PCDH18: variants seen among roughly 807,000 people sequenced by gnomAD.
The protein encoded by PCDH18 is protocadherin 18.
A neutral mutation model predicts 71.5 loss-of-function variants in PCDH18; 38 were observed. That is an observed-to-expected ratio of 0.53 (90% confidence interval 0.41 to 0.70). The LOEUF (loss-of-function observed/expected upper bound fraction) is 0.70, where lower values mean the gene tolerates loss of function less well. Ranked by LOEUF, PCDH18 falls within the 30% of genes least tolerant of loss-of-function variation. The probability of loss-of-function intolerance (pLI) is 0.00; values close to 1 mark genes in which losing one functional copy is unlikely to be tolerated. For synonymous variants in PCDH18, 565 were observed against 505.4 expected (o/e 1.12, Z -1.58); for missense variants, 1,334 against 1,384.6 (o/e 0.96, Z 0.58).
chr4:137,531,337 T>C lies in PCDH18; in HGVS notation c.752A>G (p.Tyr251Cys), dbSNP rs755064056. The C allele has an allele frequency of 9.9e-6, 16 of 1,613,904 alleles. No individual in the cohort carries two copies. Among genetic ancestry groups the C allele is most frequent in the South Asian group, 3.3e-5 (3 of 91,080 alleles). The change falls in exon 1 of 4, where the codon TAT becomes TGT. Residue 251 changes from tyrosine to cysteine, a missense_variant. This residue lies in a region of PCDH18 where 1,011 missense variants were observed against 1,048.0 expected (regional missense o/e 0.96). Transcript: ENST00000344876. ...GGAGTTTTCTAAGAGTTGTATTATA[T>C]AAGATTGCTGCTCAAAAGCAGGGCT... ...DNSPAFEQQS[Y>C]IIQLLENSPV...
intron 1 of PCDH18, 149 bp downstream of exon 1, chr4:137,529,453 T>A (rs1731579664): frequency 1.8e-6 from 1 of 558,686 alleles, no homozygotes. Context: ...GCATCTTTGC[T>A]ACATATTCAC....
intron 3 of PCDH18, among the ~76,000 whole-genome samples, chr4:137,524,982 T>C (rs928514774): frequency 2.0e-5 from 3 of 152,002 alleles, no homozygotes; most frequent in Non-Finnish European, 2.9e-5. Flanking sequence ...GGACAGAACA[T>C]AGAATTTAAA....
chr4:137,527,848 A>T (rs1300652178), intron 3 of PCDH18, among the ~76,000 whole-genome samples: 1 of 152,180 alleles, frequency 6.6e-6, no homozygotes, highest in Non-Finnish European at 1.5e-5. Context: ...ACTTAATAGC[A>T]TCTCTTCTAT....
rs1731719315 is a variant in PCDH18, at chr4:137,531,859, A to G, written c.230T>C (p.Leu77Pro). ...RAMQRGNSPL[L>P]VVNEDNGEIS... ...TTCCCCATTATCCTCGTTTACTACA[A>G]GTAGAGGAGAATTTCCCCTCTGCAT... The change falls in exon 1 of 4, where the codon CTT becomes CCT. Residue 77 changes from leucine to proline, a missense_variant. Leu to Pro is a moderately conservative substitution (Grantham distance 98). Coordinates refer to ENST00000344876, the MANE Select transcript of PCDH18 (RefSeq NM_019035.5). The G allele has an allele frequency of 6.2e-7, 1 of 1,613,912 alleles. No homozygotes were observed. Among genetic ancestry groups the G allele is most frequent in the Non-Finnish European group, 8.5e-7 (1 of 1,179,932 alleles).
Position 137,518,968 on chromosome 4 carries a change from T to C in PCDH18, c.*2061A>G, listed in dbSNP as rs1135220. On this transcript the variant is annotated 3_prime_UTR_variant, in exon 4 of 4. Coordinates refer to ENST00000344876, the MANE Select transcript of PCDH18 (RefSeq NM_019035.5). ...TTTATTTATTTCACATTATTCAAAA[T>C]AGCGGTTTTCAGCATAGCTTCCCAT... 2 of 152,104 alleles carry C rather than the reference T, an allele frequency of 1.3e-5. No homozygotes were observed. The highest frequency in any genetic ancestry group is 4.1e-4 in the South Asian group (2 of 4,832). 9.4% of individuals were successfully genotyped at this position (152,104 alleles called of 1,614,324 possible).
chr4:137,528,854 A>C, intron 1 of PCDH18, 34 bp from the exon 2 acceptor site: 2 of 1,427,930 alleles, frequency 1.4e-6, no homozygotes, highest in Non-Finnish European at 2.0e-6. Context: ...GATTCCCGGA[A>C]ACAAGCCTCC....
Position 137,531,958 on chromosome 4 carries a change from A to G in PCDH18, c.131T>C (p.Ile44Thr), listed in dbSNP as rs770348196. 82 of 1,613,972 alleles carry G rather than the reference A, an allele frequency of 5.1e-5. 2 individuals are homozygous for G. In the Admixed American group the frequency reaches 1.3e-3, roughly 26 times the overall value. Reference protein sequence around the residue: ...IYEEQRVGSVIARLSEDVADV... With the variant: ...IYEEQRVGSVTARLSEDVADV... Reference sequence around the variant, plus strand: ...AGCCACATCCTCTGATAGTCTTGCAATTACTGATCCAACCCTCTGTTCCTC... The same window carrying G: ...AGCCACATCCTCTGATAGTCTTGCAGTTACTGATCCAACCCTCTGTTCCTC... The change falls in exon 1 of 4, where the codon ATT becomes ACT. Residue 44 changes from isoleucine (I) to threonine (T), a missense_variant. Transcript: ENST00000344876.
Position 137,531,670 on chromosome 4 carries a change from G to T in PCDH18, c.419C>A (p.Ser140Tyr). The T allele has an allele frequency of 6.2e-7, 1 of 1,613,780 alleles. No homozygotes were observed. The highest frequency in any genetic ancestry group is 8.5e-7 in the Non-Finnish European group (1 of 1,179,654). The change falls in exon 1 of 4, where the codon TCT becomes TAT. Residue 140 changes from serine to tyrosine, a missense_variant. This residue lies in a region of PCDH18 where 1,011 missense variants were observed against 1,048.0 expected (regional missense o/e 0.96). Coordinates refer to ENST00000344876, the MANE Select transcript of PCDH18 (RefSeq NM_019035.5). The part of the protein sequence containing the change: ...INDNSPQFSR[S>Y]LIPIEISESA... The stretch of plus-strand genomic sequence containing the variant: ...CTCAGATATCTCAATAGGTATGAGA[G>T]ATCTTGAAAACTGGGGAGAATTGTC...
At position 137,528,672 on chromosome 4, in the gene PCDH18, A is replaced by C. The variant is rs200287023; in HGVS notation, c.2577-31T>G. The C allele has an allele frequency of 4.3e-6, 7 of 1,610,846 alleles. No homozygotes were observed. The East Asian group carries it at 1.6e-4, about 36-fold the overall frequency. On this transcript the variant is annotated intron_variant, in intron 2 of 3. Coordinates refer to ENST00000344876, the MANE Select transcript of PCDH18 (RefSeq NM_019035.5). ...AAGATAAATCACAAAAAAAAATTAC[A>C]GTTTTTACTCTTCAGCATTTATGTT... is the stretch of plus-strand genomic sequence containing the variant.
chr4:137,528,771 C>T lies in PCDH18; in HGVS notation c.2537G>A (p.Arg846Lys). 1 of 1,613,700 alleles carries T rather than the reference C, an allele frequency of 6.2e-7. No homozygotes were observed. Among genetic ancestry groups the T allele is most frequent in the Non-Finnish European group, 8.5e-7 (1 of 1,179,840 alleles). The stretch of plus-strand genomic sequence containing the variant: ...ATATTTGTTTCCTCGAAAACTTGGT[C>T]TTGGCTGATATTGCCCCTGGTGAAG... ...SMLHQGQYQP[R>K]PSFRGNKYSR... is the part of the protein sequence containing the mutation. Residue 846 changes from arginine (R) to lysine (K), a missense_variant, in exon 2 of 4, where the codon AGA (arginine) becomes AAA (lysine). Arg to Lys is a conservative substitution (Grantham distance 26). Transcript: ENST00000344876.
rs1731655154 is a variant in PCDH18, at chr4:137,530,749, G to A, written c.1340C>T (p.Thr447Ile). ...AEDRGTPSLS[T>I]VKHFTVQIND... ...GATTTGAACTGTAAAATGTTTCACT[G>A]TAGAGAGACTGGGTGTCCCCCTGTC... is the stretch of plus-strand genomic sequence containing the variant. Residue 447 changes from threonine (T) to isoleucine (I), a missense_variant, in exon 1 of 4, where the codon ACA becomes ATA. By Grantham distance (89) the Thr-to-Ile change is moderately conservative. Around this residue, in one of 3 missense-constraint regions of PCDH18, gnomAD observed 1,011 missense variants for 1,048.0 expected, o/e 0.96. Transcript: ENST00000344876. 2 of 1,612,852 alleles carry A rather than the reference G, an allele frequency of 1.2e-6. No individual in the cohort carries two copies. Among genetic ancestry groups the A allele is most frequent in the African/African-American group, 1.3e-5 (1 of 74,876 alleles).
Position 137,521,381 on chromosome 4 carries a change from G to C in PCDH18, c.3056C>G (p.Ser1019Cys). 6.2e-7 allele frequency: 1 copy of C among 1,614,196 alleles called. No individual in the cohort carries two copies. The highest frequency in any genetic ancestry group is 8.5e-7 in the Non-Finnish European group (1 of 1,180,024). Residue 1019 changes from serine (S) to cysteine (C), a missense_variant, in exon 4 of 4, where the codon TCC becomes TGC. Transcript: ENST00000344876. ...SSVFQRLLPP[S>C]LDTYSECSEV... ...ACTGCATTCAGAATAGGTGTCCAGG[G>C]AAGGCGGTAAGAGACGCTGGAACAC...
chr4:137,530,452 T>C lies in PCDH18; in HGVS notation c.1637A>G (p.Glu546Gly). ...EEVSQITFVV[E>G]ARDGGSPKQL... ...CTTCGGGCTTCCTCCATCTCTTGCT[T>C]CTACCACAAAAGTGATCTGACTCAC... Residue 546 changes from glutamate (E) to glycine (G), a missense_variant, in exon 1 of 4, where the codon GAA becomes GGA. Transcript: ENST00000344876. 1 of 1,614,118 alleles carries C rather than the reference T, an allele frequency of 6.2e-7. No individual in the cohort carries two copies. The highest frequency in any genetic ancestry group is 1.1e-5 in the South Asian group (1 of 91,080).
chr4:137,531,832 A>G lies in PCDH18; in HGVS notation c.257T>C (p.Ile86Thr). ...ACGGTCAATTGTAGCCCCTATGCTG[A>G]TTTCCCCATTATCCTCGTTTACTAC... ...LLVVNEDNGE[I>T]SIGATIDREQ... The change falls in exon 1 of 4, where the codon ATC becomes ACC. Residue 86 changes from isoleucine to threonine, a missense_variant. Transcript: ENST00000344876. 1.9e-6 allele frequency: 3 copies of G among 1,614,080 alleles called. No homozygotes were observed. Among genetic ancestry groups the G allele is most frequent in the Non-Finnish European group, 2.5e-6 (3 of 1,180,004 alleles).
intron 3 of PCDH18, among the ~76,000 whole-genome samples, chr4:137,523,479 G>A (rs1261836388): frequency 6.6e-6 from 1 of 151,796 alleles, no homozygotes; most frequent in Non-Finnish European, 1.5e-5. Flanking sequence ...AATTCCGCAG[G>A]TCTCTGAAAA....
At position 137,530,280 on chromosome 4, in the gene PCDH18, T is replaced by G. The variant is rs1441342256; in HGVS notation, c.1809A>C (p.Ile603=). Reference sequence around the variant, plus strand: ...CACCAGAGTCTCTGTCAATTGCCCTTATTCTTGTGACATGAAAGCCACTTT... The same window carrying G: ...CACCAGAGTCTCTGTCAATTGCCCTGATTCTTGTGACATGAAAGCCACTTT... ...GAESGFHVTR[I]RAIDRDSGVN... The change falls in exon 1 of 4, where the codon ATA becomes ATC. Residue 603 remains isoleucine (I), a synonymous_variant. Coordinates refer to ENST00000344876, the MANE Select transcript of PCDH18 (RefSeq NM_019035.5). The G allele has an allele frequency of 3.1e-6, 5 of 1,613,870 alleles. No homozygotes were observed. The East Asian group carries it at 6.7e-5, about 22-fold the overall frequency.
chr4:137,521,196 G>A lies in PCDH18; in HGVS notation c.3241C>T (p.Pro1081Ser), dbSNP rs1731280777. 1 of 1,614,034 alleles carries A rather than the reference G, an allele frequency of 6.2e-7. No homozygotes were observed. The highest frequency in any genetic ancestry group is 1.3e-5 in the African/African-American group (1 of 74,942). ...PPLGTHSSVQPSSKWLPAMEE... is the reference protein window; with the variant it reads ...PPLGTHSSVQSSSKWLPAMEE... ...ATGGCTGGCAGCCATTTTGAAGAAG[G>A]CTGCACACTGGAGTGAGTTCCAAGT... is the stretch of plus-strand genomic sequence containing the variant. The change falls in exon 4 of 4, where the codon CCT becomes TCT. Residue 1081 changes from proline to serine, a missense_variant. Pro to Ser is a moderately conservative substitution (Grantham distance 74). Around this residue, in one of 3 missense-constraint regions of PCDH18, gnomAD observed 319 missense variants for 316.3 expected, o/e 1.01. Coordinates refer to ENST00000344876, the MANE Select transcript of PCDH18 (RefSeq NM_019035.5).
rs1372603780 is a variant in PCDH18 at position 137,529,924 on chromosome 4, G to A, written c.2165C>T (p.Thr722Ile). Residue 722 changes from threonine to isoleucine, a missense_variant, in exon 1 of 4, where the codon ACT becomes ATT. Thr to Ile is a moderately conservative substitution (Grantham distance 89). Around this residue, in one of 3 missense-constraint regions of PCDH18, gnomAD observed 1,011 missense variants for 1,048.0 expected, o/e 0.96. Transcript: ENST00000344876. ...VLLVIMVLFA[T>I]RCNREKKDTR... Reference sequence around the variant, plus strand: ...GTCTTTCTTCTCGCGGTTACACCTAGTTGCAAATAGCACCATAATAACCAG... The same window carrying A: ...GTCTTTCTTCTCGCGGTTACACCTAATTGCAAATAGCACCATAATAACCAG... 6.2e-7 allele frequency: 1 copy of A among 1,613,944 alleles called. No homozygotes were observed. Among genetic ancestry groups the A allele is most frequent in the South Asian group, 1.1e-5 (1 of 91,064 alleles).
rs1731672098 is a variant in PCDH18, at chr4:137,531,049, A to T, written c.1040T>A (p.Val347Asp). The change falls in exon 1 of 4, where the codon GTT (valine) becomes GAT (aspartate). Residue 347 changes from valine to aspartate, a missense_variant. By Grantham distance (152) the Val-to-Asp change is radical. Around this residue, in one of 3 missense-constraint regions of PCDH18, gnomAD observed 1,011 missense variants for 1,048.0 expected, o/e 0.96. Transcript: ENST00000344876. ...GTTAATTTCAGGTTTATTGTCATTA[A>T]CATCCACAACCTTAATTATAATTTT... ...HCKIIIKVVD[V>D]NDNKPEININ... The T allele has an allele frequency of 3.7e-6, 6 of 1,610,198 alleles. No individual in the cohort carries two copies. The highest frequency in any genetic ancestry group is 5.1e-6 in the Non-Finnish European group (6 of 1,178,106).
Sources: allele counts gnomAD v4.1 joint callset (sites outside exome capture counted in the v4.1 genomes callset), GRCh38; gene constraint gnomAD v4.1.1; regional missense constraint gnomAD v4.1.1; transcripts MANE v1.5; gene names NCBI Gene and HGNC (gene_info 2026-07-23, HGNC 2026-07-21).